The following VPS13B variants were observed in gnomAD, a reference collection of about 807,000 sequenced individuals.
VPS13B encodes vacuolar protein sorting 13 homolog B.
VPS13B carries 285 observed loss-of-function variants against 426.4 expected under a neutral mutation model. The observed-to-expected ratio is 0.67, with a 90% confidence interval of 0.61 to 0.74. The LOEUF (loss-of-function observed/expected upper bound fraction) is 0.74, where lower values mean the gene tolerates loss of function less well. Ranked by LOEUF, VPS13B falls within the 30% of genes least tolerant of loss-of-function variation. VPS13B has a pLI of 0.00. For missense variants in VPS13B, 4,537 were observed against 4,782.6 expected, an observed-to-expected ratio of 0.95 and a Z score of 1.51; for synonymous variants, 1,676 against 1,676.4, an observed-to-expected ratio of 1.00 and a Z score of 0.01.
intron 51 of VPS13B, among the ~76,000 whole-genome samples, chr8:99,830,654 A>C (rs1814988039): frequency 6.6e-6 from 1 of 152,082 alleles, no homozygotes; most frequent in South Asian, 2.1e-4. Context: ...GTATGAAAAA[A>C]AACTCCTGCA....
chr8:99,824,845 G>T (rs1457756052), intron 51 of VPS13B, among the ~76,000 whole-genome samples: 3 of 152,180 alleles, frequency 2.0e-5, no homozygotes, highest in East Asian at 3.9e-4. Flanking sequence ...TTCTGTTCCT[G>T]TGTTAGTTTG....
chr8:99,339,141 C>T (rs913091512), intron 19 of VPS13B, among the ~76,000 whole-genome samples: 1 of 152,028 alleles, frequency 6.6e-6, no homozygotes, highest in Non-Finnish European at 1.5e-5. Flanking sequence ...TATTGTTTTG[C>T]ATGTTTTGAT....
intron 39 of VPS13B, among the ~76,000 whole-genome samples, chr8:99,725,782 C>T (rs1267222557): frequency 2.0e-5 from 3 of 152,166 alleles, no homozygotes; most frequent in African/African-American, 7.2e-5. Flanking sequence ...TGTTATTTTT[C>T]AGTGGTATCA....
At position 99,640,063 on chromosome 8, in the gene VPS13B, A is replaced by G. The variant is rs1346321280; in HGVS notation, c.5221-1748A>G. Reference sequence around the variant, plus strand: ...AAGAAGAAGAAGAGAAAAGAAAAGAAAAGAAAAGAAAAGAAAAGAAAAGAA... The same window carrying G: ...AAGAAGAAGAAGAGAAAAGAAAAGAGAAGAAAAGAAAAGAAAAGAAAAGAA... On this transcript the variant is annotated intron_variant, in intron 33 of 61. Transcript: ENST00000357162. 1.9e-5 allele frequency among the ~76,000 whole-genome samples: 2 copies of G among 103,046 alleles called. 1 individual carries two copies. The highest frequency in any genetic ancestry group is 5.6e-4 in the East Asian group (2 of 3,556). The allele number at this position is 103,046 out of a possible 152,430, so 67.6% of individuals were successfully genotyped here.
At chr8:99,457,093 G>GCAGGCTGGAGTGCAGAGC (rs1818508156) in intron 23 of VPS13B, among the ~76,000 whole-genome samples, 1 of 148,486 alleles carries the variant, frequency 6.7e-6, no homozygotes, top group Non-Finnish European at 1.5e-5. Flanking sequence ...GTGCAGTGGT[G>GCAGGCTGGAGTGCAGAGC]TGATTTCAGC....
chr8:99,369,335 A>AAT (rs1267429758), intron 19 of VPS13B, among the ~76,000 whole-genome samples: 3 of 152,222 alleles, frequency 2.0e-5, no homozygotes, highest in Non-Finnish European at 2.9e-5. Context: ...GATAAAATGA[A>AAT]ATATATATAG....
intron 40 of VPS13B, among the ~76,000 whole-genome samples, chr8:99,770,448 G>A (rs528046191): frequency 6.6e-6 from 1 of 152,074 alleles, no homozygotes; most frequent in Non-Finnish European, 1.5e-5. Flanking sequence ...CCTCTTATCA[G>A]TCAGGTTCTG....
chr8:99,856,756 G>A (rs796588299), intron 56 of VPS13B, among the ~76,000 whole-genome samples: 2 of 152,260 alleles, frequency 1.3e-5, no homozygotes, highest in African/African-American at 4.8e-5. Flanking sequence ...CAGGTGAATT[G>A]CTTGAACCTG....
intron 16 of VPS13B, among the ~76,000 whole-genome samples, chr8:99,172,047 A>G (rs185094944): frequency 6.6e-5 from 10 of 152,288 alleles, no homozygotes; most frequent in Admixed American, 1.3e-4. Flanking sequence ...GAATTTGGAC[A>G]GTTACTCTAC....
intron 3 of VPS13B, among the ~76,000 whole-genome samples, chr8:99,051,637 C>T (rs961269772): frequency 4.6e-5 from 7 of 152,272 alleles, no homozygotes; most frequent in East Asian, 1.9e-4. Flanking sequence ...GCCATTTTCA[C>T]GATATTGGTT....
At chr8:99,732,306 TC>T (rs1363740669) in intron 39 of VPS13B, among the ~76,000 whole-genome samples, 2 of 152,158 alleles carry the variant, frequency 1.3e-5, no homozygotes, top group Non-Finnish European at 2.9e-5. Flanking sequence ...TACTCTGCCA[TC>T]CCCAGCACCC....
At chr8:99,326,019 T>C (rs1810238675) in intron 19 of VPS13B, among the ~76,000 whole-genome samples, 1 of 152,208 alleles carries the variant, frequency 6.6e-6, no homozygotes, top group Non-Finnish European at 1.5e-5. Flanking sequence ...ATTGGTTTAC[T>C]TACATACCCT....
chr8:99,642,617 A>G lies in VPS13B; in HGVS notation c.5908+119A>G, dbSNP rs547456084. On this transcript the variant is annotated intron_variant, in intron 34 of 61. Transcript: ENST00000357162. ...CAGACAAAAGTCTTTTCTCTACAGAATATGGAAAGTTCATGTTCCACAGCT... is the reference window on the plus strand; with the variant it reads ...CAGACAAAAGTCTTTTCTCTACAGAGTATGGAAAGTTCATGTTCCACAGCT... The G allele has an allele frequency of 4.5e-6, 4 of 882,216 alleles. No homozygotes were observed. The South Asian group carries it at 6.3e-5, about 14-fold the overall frequency. The allele number at this position is 882,216 out of a possible 1,614,324, so 54.6% of individuals were successfully genotyped here. A position where few individuals can be genotyped will look rare whatever the true frequency, so the allele number is the denominator to read the frequency against.
chr8:99,500,352 T>C (rs1426530785), intron 25 of VPS13B, among the ~76,000 whole-genome samples: 1 of 152,138 alleles, frequency 6.6e-6, no homozygotes, highest in Non-Finnish European at 1.5e-5. Context: ...GAGAATTCTA[T>C]AAGAATGTGA....
Position 99,502,864 on chromosome 8 carries a change from T to C in VPS13B, c.4071T>C (p.Asp1357=), listed in dbSNP as rs777103131. 8 of 1,613,528 alleles carry C rather than the reference T, an allele frequency of 5.0e-6. No individual in the cohort carries two copies. The highest frequency in any genetic ancestry group is 6.8e-6 in the Non-Finnish European group (8 of 1,179,628). ...TEVCMVSELE[D]LSASIDVQDV... ...TTTGTATGGTCAGTGAACTAGAAGA[T>C]CTCAGTGCTTCCATAGATGTCCAGG... The change falls in exon 27 of 62, where the codon GAT becomes GAC. Residue 1357 remains aspartate, a synonymous_variant. Coordinates refer to ENST00000357162, the MANE Select transcript of VPS13B (RefSeq NM_152564.5).
chr8:99,028,117 C>T (rs1341324651), intron 2 of VPS13B, among the ~76,000 whole-genome samples: 2 of 152,206 alleles, frequency 1.3e-5, no homozygotes, highest in Non-Finnish European at 2.9e-5. Context: ...TACTTCTCTC[C>T]ACACAGACCC....
At chr8:99,399,000 C>T (rs1426372567) in intron 21 of VPS13B, among the ~76,000 whole-genome samples, 3 of 151,730 alleles carry the variant, frequency 2.0e-5, no homozygotes, top group Non-Finnish European at 4.4e-5. Context: ...TTTTTCTTTA[C>T]AAATGTCATT....
At chr8:99,274,468 A>T in intron 18 of VPS13B, 136 bp downstream of exon 18, 1 of 1,391,632 alleles carries the variant, frequency 7.2e-7, no homozygotes, top group Non-Finnish European at 9.9e-7. Flanking sequence ...TTACTTAGAA[A>T]TTTTTCTAAT....
rs141264043 is a variant in VPS13B, at chr8:99,245,238, G to A, written c.2516-28960G>A. 6.6e-4 allele frequency among the ~76,000 whole-genome samples: 101 copies of A among 152,296 alleles called. 1 individual carries two copies. Among genetic ancestry groups the A allele is most frequent in the Admixed American group, 1.6e-3 (24 of 15,308 alleles). Reference sequence around the variant, plus strand: ...AATCCTTAGTTTTTCAGTGGTGATAGTGACTGTTTATTAACTTACGTTGTT... The same window carrying A: ...AATCCTTAGTTTTTCAGTGGTGATAATGACTGTTTATTAACTTACGTTGTT... On this transcript the variant is annotated intron_variant, in intron 17 of 61. Transcript: ENST00000357162.
Sources: gnomAD v4.1 joint callset for allele counts (sites outside exome capture counted in the v4.1 genomes callset) on GRCh38, gnomAD v4.1.1 for gene constraint, MANE v1.5 for transcripts, NCBI Gene and HGNC (gene_info 2026-07-23, HGNC 2026-07-21) for gene names.